PRELID3B: variants seen among roughly 807,000 people sequenced by gnomAD.
PRELID3B encodes the protein PRELI domain containing protein 3B.
PRELID3B carries 15 observed loss-of-function variants against 24.0 expected under a neutral mutation model. The ratio of observed to expected loss-of-function variants is 0.63; its 90% CI spans 0.42 to 0.96. The LOEUF (loss-of-function observed/expected upper bound fraction) is 0.96, where lower values mean the gene tolerates loss of function less well. PRELID3B is among the 40% of genes least tolerant of loss of function. PRELID3B has a pLI of 0.00. For synonymous variants in PRELID3B, 62 were observed against 76.0 expected, an observed-to-expected ratio of 0.82 and a Z score of 0.96; for missense variants, 189 against 236.0, an observed-to-expected ratio of 0.80 and a Z score of 1.30.
rs1335453013 is a variant in PRELID3B, at chr20:59,038,499, G to A, written c.168C>T (p.Ser56=). The part of the protein sequence containing the change: ...SGKLHSHRLL[S]TEWGLPSIVK... ...CAATGGAAGGCAGTCCCCACTCTGT[G>A]CTGAGAAGTCTGTGGCTGTGCAACT... Residue 56 remains serine (S), a synonymous_variant, in exon 2 of 6, where the codon AGC becomes AGT. Coordinates refer to ENST00000355937, the MANE Select transcript of PRELID3B (RefSeq NM_016045.3). 3.1e-6 allele frequency: 5 copies of A among 1,613,740 alleles called. No individual in the cohort carries two copies. The highest frequency in any genetic ancestry group is 4.2e-6 in the Non-Finnish European group (5 of 1,179,834).
At chr20:59,042,529 G>C (rs2092117962) in intron 1 of PRELID3B, among the ~76,000 whole-genome samples, 170 bp downstream of exon 1, 1 of 152,212 alleles carries the variant, frequency 6.6e-6, no homozygotes, top group African/African-American at 2.4e-5. Context: ...GGCGCCTCGG[G>C]GTCGTGACCT....
At chr20:59,036,606 G>A (rs1366290597) in intron 4 of PRELID3B, 33 bp from the exon 5 acceptor site, 7 of 1,589,564 alleles carry the variant, frequency 4.4e-6, no homozygotes, top group East Asian at 2.2e-5. Context: ...AGGTTCAGAT[G>A]ACCCAGCTTT....
Position 59,036,507 on chromosome 20 carries a change from T to C in PRELID3B, c.429A>G (p.Gly143=). The change falls in exon 5 of 6, where the codon GGA becomes GGG. Residue 143 remains glycine (G), a synonymous_variant. Transcript: ENST00000355937. The part of the protein sequence containing the change: ...KGVSLSSYLE[G]LMASTISSNA... ...TTGAGGATATCGTACTTGCCATCAGTCCTTCAAGGTAACTGCTGAGGCTAA... is the reference window on the plus strand; with the variant it reads ...TTGAGGATATCGTACTTGCCATCAGCCCTTCAAGGTAACTGCTGAGGCTAA... 6.2e-7 allele frequency: 1 copy of C among 1,614,100 alleles called. No homozygotes were observed. The highest frequency in any genetic ancestry group is 8.5e-7 in the Non-Finnish European group (1 of 1,179,952).
chr20:59,034,265 C>T lies in PRELID3B; in HGVS notation c.*742G>A, dbSNP rs1400778923. 6.6e-6 allele frequency: 1 copy of T among 152,168 alleles called. No individual in the cohort carries two copies. Among genetic ancestry groups the T allele is most frequent in the Admixed American group, 6.5e-5 (1 of 15,270 alleles). The allele number at this position is 152,168 out of a possible 1,614,324, so 9.4% of individuals were successfully genotyped here. On this transcript the variant is annotated 3_prime_UTR_variant, in exon 6 of 6. Coordinates refer to ENST00000355937, the MANE Select transcript of PRELID3B (RefSeq NM_016045.3). Reference sequence around the variant, plus strand: ...CTGTTCTTCTGTTTAAGTTAGAGCACTGCAAAACTCAGGTAATGACTTTAT... The same window carrying T: ...CTGTTCTTCTGTTTAAGTTAGAGCATTGCAAAACTCAGGTAATGACTTTAT...
At position 59,040,347 on chromosome 20, in the gene PRELID3B, A is replaced by G. The variant is rs149405013; in HGVS notation, c.33-1713T>C. ...ATGGAAGACATTCAAAGACCACGCCAAAGTAGAATCAGGAGGACCTGGCTA... is the reference window on the plus strand; with the variant it reads ...ATGGAAGACATTCAAAGACCACGCCGAAGTAGAATCAGGAGGACCTGGCTA... On this transcript the variant is annotated intron_variant, in intron 1 of 5. Transcript: ENST00000355937. The surrounding 1 kb of genome is among the most constrained non-coding windows in gnomAD (Gnocchi z 4.1). 6.6e-6 allele frequency among the ~76,000 whole-genome samples: 1 copy of G among 152,378 alleles called. No individual in the cohort carries two copies. Among genetic ancestry groups the G allele is most frequent in the African/African-American group, 2.4e-5 (1 of 41,586 alleles).
rs946528593 is a variant in PRELID3B at position 59,040,972 on chromosome 20, T to C, written c.32+1727A>G. Among the ~76,000 whole-genome samples the C allele has an allele frequency of 2.6e-5, 4 of 151,898 alleles. No individual in the cohort carries two copies. Among genetic ancestry groups the C allele is most frequent in the African/African-American group, 9.7e-5 (4 of 41,324 alleles). ...TTAAGATCACAGGTAAAATCCAATA[T>C]AGGAAGGCCAACACAGAATCTCACT... is the stretch of plus-strand genomic sequence containing the variant. On this transcript the variant is annotated intron_variant, in intron 1 of 5. Transcript: ENST00000355937. This position sits in a 1 kb window ranked among gnomAD's most constrained non-coding sequence, Gnocchi z 4.1.
chr20:59,036,439 G>C (rs766724713), intron 5 of PRELID3B, 32 bp downstream of exon 5: 8 of 1,507,152 alleles, frequency 5.3e-6, no homozygotes, highest in East Asian at 2.3e-5. Flanking sequence ...AAATGAACCA[G>C]GGAATAATAA....
chr20:59,036,872 A>C, intron 3 of PRELID3B, 112 bp from the exon 4 acceptor site: 1 of 710,164 alleles, frequency 1.4e-6, no homozygotes, highest in Non-Finnish European at 2.3e-6. Context: ...AAAACAACAA[A>C]TAAACCGCTG....
In PRELID3B at chr20:59,034,863, A is replaced by C. The variant is rs2092058765; in HGVS notation, c.*144T>G. On this transcript the variant is annotated 3_prime_UTR_variant, in exon 6 of 6. Transcript: ENST00000355937. ...TAGAGGCCCTGCATCTGTTTTGATCAAGTCACATAGCCTTACACCAACTTA... is the reference window on the plus strand; with the variant it reads ...TAGAGGCCCTGCATCTGTTTTGATCCAGTCACATAGCCTTACACCAACTTA... 1.6e-6 allele frequency: 1 copy of C among 628,494 alleles called. No individual in the cohort carries two copies. Among genetic ancestry groups the C allele is most frequent in the Non-Finnish European group, 2.4e-6 (1 of 416,890 alleles). The allele number at this position is 628,494 out of a possible 1,614,324, so 38.9% of individuals were successfully genotyped here.
intron 1 of PRELID3B, among the ~76,000 whole-genome samples, chr20:59,038,985 GAAAC>G (rs2146393794): frequency 6.6e-6 from 1 of 152,310 alleles, no homozygotes; most frequent in South Asian, 2.1e-4. Context: ...ATGTTCTACT[GAAAC>G]AAATAGCCAA....
chr20:59,042,141 A>G lies in PRELID3B; in HGVS notation c.32+558T>C, dbSNP rs114270615. ...TTGTTACAGCCAGAGCTAGACCTTGAATTCCAAATCCAAGGCTCTGCTGCG... is the reference window on the plus strand; with the variant it reads ...TTGTTACAGCCAGAGCTAGACCTTGGATTCCAAATCCAAGGCTCTGCTGCG... On this transcript the variant is annotated intron_variant, in intron 1 of 5. Coordinates refer to ENST00000355937, the MANE Select transcript of PRELID3B (RefSeq NM_016045.3). Among the ~76,000 whole-genome samples the G allele has an allele frequency of 5.9e-3, 894 of 152,368 alleles. 6 individuals carry two copies. The highest frequency in any genetic ancestry group is 0.037 in the Middle Eastern group (11 of 294).
chr20:59,038,294 T>C (rs2092087692), intron 2 of PRELID3B, 172 bp downstream of exon 2: 4 of 526,440 alleles, frequency 7.6e-6, no homozygotes, highest in Non-Finnish European at 9.5e-6. Context: ...AAGACTGTAA[T>C]AATATTTCCA....
At chr20:59,038,730 T>C in intron 1 of PRELID3B, 96 bp from the exon 2 acceptor site, 1 of 1,418,162 alleles carries the variant, frequency 7.1e-7, no homozygotes, top group South Asian at 1.5e-5. Flanking sequence ...AAATCATTCA[T>C]TACAATGTAA....
chr20:59,038,548 T>A lies in PRELID3B; in HGVS notation c.119A>T (p.Asp40Val). 6.2e-7 allele frequency: 1 copy of A among 1,613,622 alleles called. No individual in the cohort carries two copies. The highest frequency in any genetic ancestry group is 1.3e-5 in the African/African-American group (1 of 74,892). Reference sequence around the variant, plus strand: ...CTTTCCAGAGGGATCTATATGTCTGTCCAACACATCAACTCCAACCACACT... The same window carrying A: ...CTTTCCAGAGGGATCTATATGTCTGACCAACACATCAACTCCAACCACACT... Reference protein sequence around the residue: ...NPSVVGVDVLDRHIDPSGKLH... With the variant: ...NPSVVGVDVLVRHIDPSGKLH... The change falls in exon 2 of 6, where the codon GAC becomes GTC. Residue 40 changes from aspartate (D) to valine (V), a missense_variant. Asp to Val is a radical substitution (Grantham distance 152). Transcript: ENST00000355937.
At chr20:59,039,263 T>C (rs1226669014) in intron 1 of PRELID3B, among the ~76,000 whole-genome samples, 1 of 152,258 alleles carries the variant, frequency 6.6e-6, no homozygotes, top group Non-Finnish European at 1.5e-5. Context: ...TATAATAAAA[T>C]GTCCTTAAGG....
rs192606998 is a variant in PRELID3B at position 59,041,584 on chromosome 20, A to G, written c.32+1115T>C. Among the ~76,000 whole-genome samples the G allele has an allele frequency of 3.3e-3, 507 of 151,972 alleles. 3 individuals carry two copies. The highest frequency in any genetic ancestry group is 5.6e-3 in the Non-Finnish European group (378 of 67,950). On this transcript the variant is annotated intron_variant, in intron 1 of 5. Coordinates refer to ENST00000355937, the MANE Select transcript of PRELID3B (RefSeq NM_016045.3). ...ACTCCGTCTCTACTAAAAATACAAA[A>G]ATTAGCCGGGCGCGGTGGTGGGCGC...
At chr20:59,041,803 T>G (rs2092112195) in intron 1 of PRELID3B, among the ~76,000 whole-genome samples, 1 of 152,188 alleles carries the variant, frequency 6.6e-6, no homozygotes, top group South Asian at 2.1e-4. Context: ...TTGTAGCATA[T>G]TTATTTACAA....
intron 2 of PRELID3B, chr20:59,038,224 C>T: frequency 2.5e-6 from 1 of 401,542 alleles, no homozygotes; most frequent in Non-Finnish European, 4.4e-6. Flanking sequence ...AATAGAACTC[C>T]TTTCAGATCA....
Position 59,038,488 on chromosome 20 carries a change from C to A in PRELID3B, c.179G>T (p.Gly60Val), listed in dbSNP as rs1279789451. ...HSHRLLSTEWGLPSIVKSLIG... is the reference protein window; with the variant it reads ...HSHRLLSTEWVLPSIVKSLIG... ...TACAGACTTCACAATGGAAGGCAGT[C>A]CCCACTCTGTGCTGAGAAGTCTGTG... is the stretch of plus-strand genomic sequence containing the variant. The change falls in exon 2 of 6, where the codon GGA becomes GTA. Residue 60 changes from glycine to valine, a missense_variant. Coordinates refer to ENST00000355937, the MANE Select transcript of PRELID3B (RefSeq NM_016045.3). The A allele has an allele frequency of 5.0e-6, 8 of 1,613,408 alleles. No homozygotes were observed. The highest frequency in any genetic ancestry group is 1.6e-4 in the Middle Eastern group (1 of 6,074).
Sources: gnomAD v4.1 joint callset for allele counts (sites outside exome capture counted in the v4.1 genomes callset) on GRCh38, gnomAD v4.1.1 for gene constraint, Gnocchi (gnomAD v3.1) non-coding constraint, MANE v1.5 for transcripts, NCBI Gene and HGNC (gene_info 2026-07-23, HGNC 2026-07-21) for gene names.